Variants in SCRN1 observed in about 807,000 individuals in gnomAD.
SCRN1 encodes secernin-1.
Under a neutral mutation model 43.3 loss-of-function variants are expected in SCRN1, and 19 were observed. The observed-to-expected ratio is 0.44, with a 90% confidence interval of 0.31 to 0.64. The LOEUF is 0.64. Ranked by LOEUF, SCRN1 falls within the 30% of genes least tolerant of loss-of-function variation. The pLI is 0.09. For missense variants in SCRN1, 447 were observed against 524.1 expected, an observed-to-expected ratio of 0.85 and a Z score of 1.44; for synonymous variants, 183 against 188.9, an observed-to-expected ratio of 0.97 and a Z score of 0.26.
intron 6 of SCRN1, among the ~76,000 whole-genome samples, chr7:29,929,343 G>A (rs1421006970): frequency 2.0e-5 from 3 of 152,220 alleles, no homozygotes; most frequent in African/African-American, 7.2e-5. Context: ...CAAGGGAACT[G>A]CGACCACGCC....
In SCRN1 at chr7:29,924,062, C is replaced by T; in HGVS notation, c.1140G>A (p.Leu380=). The T allele has an allele frequency of 6.2e-7, 1 of 1,614,158 alleles. No individual in the cohort carries two copies. Among genetic ancestry groups the T allele is most frequent in the Non-Finnish European group, 8.5e-7 (1 of 1,180,016 alleles). Residue 380 remains leucine, a synonymous_variant, in exon 8 of 8, where the codon CTG becomes CTA. Coordinates refer to ENST00000242059, the MANE Select transcript of SCRN1 (RefSeq NM_014766.5). The stretch of plus-strand genomic sequence containing the variant: ...TGGTCAGGATTTCTTCCATGGCTTC[C>T]AGGCCTTGCTTCTCCAGCTCCAGCA... The part of the protein sequence containing the change: ...STMLELEKQG[L]EAMEEILTSS...
At chr7:29,978,496 T>A (rs1259865084) in intron 1 of SCRN1, among the ~76,000 whole-genome samples, 5 of 152,130 alleles carry the variant, frequency 3.3e-5, no homozygotes, top group African/African-American at 4.8e-5. Context: ...ACCGCCTGCC[T>A]AGCCCTGCAG....
chr7:29,986,132 A>T (rs1490287610), intron 1 of SCRN1, among the ~76,000 whole-genome samples: 1 of 152,208 alleles, frequency 6.6e-6, no homozygotes, highest in Non-Finnish European at 1.5e-5. Flanking sequence ...GCTACTCAGG[A>T]GGTTGAGGCA....
At chr7:29,968,412 TAA>T (rs1209527211) in intron 2 of SCRN1, among the ~76,000 whole-genome samples, 1 of 151,458 alleles carries the variant, frequency 6.6e-6, no homozygotes, top group African/African-American at 2.4e-5. Flanking sequence ...AATAAAAAAA[TAA>T]AAATGAAAAA....
intron 2 of SCRN1, among the ~76,000 whole-genome samples, chr7:29,961,158 G>C (rs888753072): frequency 7.1e-6 from 1 of 141,704 alleles, no homozygotes; most frequent in African/African-American, 2.6e-5. Context: ...TGGAGGGAAG[G>C]TCAGCAGATA....
intron 3 of SCRN1, among the ~76,000 whole-genome samples, chr7:29,946,958 AAGC>A (rs1787756919): frequency 6.6e-6 from 1 of 152,214 alleles, no homozygotes; most frequent in Non-Finnish European, 1.5e-5. Context: ...GCCAATGTTA[AAGC>A]CATTCCCAAC....
chr7:29,936,761 T>C (rs1787347319), intron 5 of SCRN1, 40 bp from the exon 6 acceptor site: 2 of 1,469,416 alleles, frequency 1.4e-6, no homozygotes, highest in Non-Finnish European at 1.8e-6. Context: ...AAAGAGTAGA[T>C]ATAGGCCGGG....
chr7:29,961,776 G>GC (rs1381608929), intron 2 of SCRN1, among the ~76,000 whole-genome samples: 1 of 146,588 alleles, frequency 6.8e-6, no homozygotes, highest in Non-Finnish European at 1.5e-5. Context: ...CGGGCAGGGG[G>GC]CTGACCCCCC....
intron 7 of SCRN1, 68 bp from the exon 8 acceptor site, chr7:29,924,183 C>A: frequency 2.0e-6 from 3 of 1,510,480 alleles, no homozygotes; most frequent in Admixed American, 2.1e-5. Flanking sequence ...GACACTGAAA[C>A]CCTCTAGGGG....
intron 2 of SCRN1, among the ~76,000 whole-genome samples, chr7:29,967,174 AACACACACAC>A (rs142917231): frequency 4.7e-5 from 7 of 148,276 alleles, no homozygotes; most frequent in African/African-American, 1.5e-4. Context: ...CTACCATCTA[AACACACACAC>A]ACACACACAC....
chr7:29,936,521 T>G, intron 6 of SCRN1, 35 bp downstream of exon 6: 1 of 1,508,662 alleles, frequency 6.6e-7, no homozygotes, highest in Non-Finnish European at 9.0e-7. Flanking sequence ...GGGAAGCACT[T>G]ATGTTCTGCC....
At chr7:29,927,563 G>A (rs1321422462) in intron 6 of SCRN1, among the ~76,000 whole-genome samples, 3 of 152,184 alleles carry the variant, frequency 2.0e-5, no homozygotes, top group Non-Finnish European at 2.9e-5. Flanking sequence ...GCGTCCCAAG[G>A]ATTGCCTGTT....
At position 29,924,111 on chromosome 7, in the gene SCRN1, T is replaced by G. The variant is rs757459053; in HGVS notation, c.1091A>C (p.Gln364Pro). 1 of 1,610,304 alleles carries G rather than the reference T, an allele frequency of 6.2e-7. No homozygotes were observed. The highest frequency in any genetic ancestry group is 1.1e-5 in the South Asian group (1 of 90,464). Residue 364 changes from glutamine to proline, a missense_variant, in exon 8 of 8, where the codon CAA (glutamine) becomes CCA (proline). Physicochemically the swap from Gln to Pro is moderately conservative, Grantham distance 76 (BLOSUM62 -1). Transcript: ENST00000242059. ...CATGGTGCTCCTCAGCTTGCGACCT[T>G]GCTCCTGAGGAAGGACACGACTGCT... is the stretch of plus-strand genomic sequence containing the variant. ...ARAIIESDQEQGRKLRSTMLE... is the reference protein window; with the variant it reads ...ARAIIESDQEPGRKLRSTMLE...
Position 29,922,323 on chromosome 7 carries a change from G to GA in SCRN1, c.*1633dup, listed in dbSNP as rs1562797516. 1 of 152,108 alleles carries GA rather than the reference G, an allele frequency of 6.6e-6. No homozygotes were observed. 9.4% of individuals were successfully genotyped at this position (152,108 alleles called of 1,614,324 possible). A position where few individuals can be genotyped will look rare whatever the true frequency, so the allele number is the denominator to read the frequency against. On this transcript the variant is annotated 3_prime_UTR_variant, in exon 8 of 8. Transcript: ENST00000242059. ...GCTCTGGAGAGTTGGTAGAAAAAAA[G>GA]AATGTGTTCTGATAAAACCTCTGAT...
At chr7:29,972,235 G>C (rs913175746) in intron 1 of SCRN1, among the ~76,000 whole-genome samples, 6 of 152,152 alleles carry the variant, frequency 3.9e-5, no homozygotes, top group African/African-American at 1.4e-4. Context: ...ATGGGGAAAG[G>C]ATGCATTTAT....
intron 1 of SCRN1, among the ~76,000 whole-genome samples, chr7:29,982,545 T>C (rs374906383): frequency 1.3e-5 from 2 of 152,040 alleles, no homozygotes; most frequent in East Asian, 3.9e-4. Flanking sequence ...TAGTCAGGTG[T>C]AGTGGTGTAC....
chr7:29,984,325 T>C (rs1346797353), intron 1 of SCRN1, among the ~76,000 whole-genome samples: 1 of 151,402 alleles, frequency 6.6e-6, no homozygotes, highest in East Asian at 1.9e-4. Flanking sequence ...ATACAAATCA[T>C]ATGGATAAAT....
rs148111940 is a variant in SCRN1, at chr7:29,966,985, GA to G, written c.159+1923del. On this transcript the variant is annotated intron_variant, in intron 2 of 7. Transcript: ENST00000242059. Reference sequence around the variant, plus strand: ...CATTGGATGTAATGGAAGAATTTAAGAAAAAAAAAAGAAAATACAAATTGAT... The same window carrying G: ...CATTGGATGTAATGGAAGAATTTAAGAAAAAAAAAGAAAATACAAATTGAT... Among the ~76,000 whole-genome samples the G allele has an allele frequency of 2.6e-4, 38 of 145,730 alleles. No individual in the cohort carries two copies. In the East Asian group the frequency reaches 4.6e-3, roughly 18 times the overall value.
At chr7:29,938,292 AAAGTGCTGG>A (rs1362847374) in intron 5 of SCRN1, among the ~76,000 whole-genome samples, 1 of 152,206 alleles carries the variant, frequency 6.6e-6, no homozygotes, top group Non-Finnish European at 1.5e-5. Flanking sequence ...TGGGCCTCCC[AAAGTGCTGG>A]GAGTGCGGGC....
Sources: allele counts gnomAD v4.1 joint callset (sites outside exome capture counted in the v4.1 genomes callset), GRCh38; gene constraint gnomAD v4.1.1; transcripts MANE v1.5; gene names NCBI Gene and HGNC (gene_info 2026-07-23, HGNC 2026-07-21).